The following PARVA variants were observed in gnomAD, a reference collection of about 807,000 sequenced individuals.
PARVA encodes parvin alpha.
Under a neutral mutation model 52.6 loss-of-function variants are expected in PARVA, and 25 were observed. The observed-to-expected ratio is 0.48, with a 90% CI of 0.35 to 0.66. The LOEUF (loss-of-function observed/expected upper bound fraction) is 0.66. PARVA is among the 30% of genes least tolerant of loss of function. The pLI is 0.01. For synonymous variants in PARVA, 185 were observed against 179.1 expected, an observed-to-expected ratio of 1.03 and a Z score of -0.26; for missense variants, 373 against 450.9, an observed-to-expected ratio of 0.83 and a Z score of 1.56.
Position 12,473,926 on chromosome 11 carries a change from G to A in PARVA, c.240G>A (p.Val80=). ...PEDTMLEENE[V]RTMVDPNSRS... Reference sequence around the variant, plus strand: ...TTCTTTTTAAAGAGGAGAATGAGGTGCGAACAATGGTGGATCCAAACTCAC... The same window carrying A: ...TTCTTTTTAAAGAGGAGAATGAGGTACGAACAATGGTGGATCCAAACTCAC... The change falls in exon 3 of 13, where the codon GTG becomes GTA. Residue 80 remains valine (V), a synonymous_variant. Transcript: ENST00000334956. The A allele has an allele frequency of 6.3e-7, 1 of 1,580,050 alleles. No homozygotes were observed. The highest frequency in any genetic ancestry group is 1.2e-5 in the South Asian group (1 of 85,824).
intron 4 of PARVA, among the ~76,000 whole-genome samples, chr11:12,484,504 GGTGTGTGTGTGTGTGTGT>G (rs35501237): frequency 3.4e-4 from 49 of 144,700 alleles, no homozygotes; most frequent in Admixed American, 7.5e-4. Context: ...GTTTTGTTTT[GGTGTGTGTGTGTGTGTGT>G]GTGTGTGTGT....
Position 12,511,543 on chromosome 11 carries a change from A to G in PARVA, c.736+10A>G, listed in dbSNP as rs1364175904. 2.3e-5 allele frequency: 37 copies of G among 1,613,118 alleles called. No individual in the cohort carries two copies. Among genetic ancestry groups the G allele is most frequent in the African/African-American group, 4.0e-5 (3 of 74,884 alleles). On this transcript the variant is annotated intron_variant, in intron 8 of 12. Transcript: ENST00000334956. The stretch of plus-strand genomic sequence containing the variant: ...CTTTCCGGGAGGCATGGTAAGTCAC[A>G]TAAGATTGTCCTCTGGCACTGGTGG...
chr11:12,477,843 G>C lies in PARVA; in HGVS notation c.298-4G>C, dbSNP rs1349721841. On this transcript the variant is annotated splice_polypyrimidine_tract_variant and splice_region_variant and intron_variant, in intron 3 of 12. Coordinates refer to ENST00000334956, the MANE Select transcript of PARVA (RefSeq NM_018222.5). Reference sequence around the variant, plus strand: ...TTGCACATTCCCTTTCTCTCTCTCTGTAGGTATTAATTGACTGGATTAATG... The same window carrying C: ...TTGCACATTCCCTTTCTCTCTCTCTCTAGGTATTAATTGACTGGATTAATG... 13 of 1,469,750 alleles carry C rather than the reference G, an allele frequency of 8.8e-6. No individual in the cohort carries two copies. The highest frequency in any genetic ancestry group is 4.5e-5 in the South Asian group (4 of 88,122). The allele number at this position is 1,469,750 out of a possible 1,614,324, so 91.0% of individuals were successfully genotyped here.
chr11:12,405,981 A>G (rs952041545), intron 1 of PARVA, among the ~76,000 whole-genome samples: 2 of 152,206 alleles, frequency 1.3e-5, no homozygotes, highest in Admixed American at 6.5e-5. Flanking sequence ...GAATCATACT[A>G]TATGTTCAAT....
intron 1 of PARVA, among the ~76,000 whole-genome samples, chr11:12,396,365 A>G (rs1281046684): frequency 6.6e-6 from 1 of 152,050 alleles, no homozygotes. Flanking sequence ...GGTGCTGGCA[A>G]TTTGTCTAGT....
chr11:12,487,861 C>T (rs1267918798), intron 4 of PARVA, among the ~76,000 whole-genome samples: 6 of 152,098 alleles, frequency 3.9e-5, no homozygotes, highest in African/African-American at 1.4e-4. Flanking sequence ...TAGAATATTT[C>T]TCGTAATAGT....
At chr11:12,494,662 A>C (rs891962101) in intron 4 of PARVA, among the ~76,000 whole-genome samples, 2 of 152,148 alleles carry the variant, frequency 1.3e-5, no homozygotes, top group African/African-American at 2.4e-5. Context: ...ATTTAAAAAA[A>C]AAAAGAATGA....
intron 12 of PARVA, among the ~76,000 whole-genome samples, chr11:12,521,126 C>G (rs997333134): frequency 6.6e-6 from 1 of 152,088 alleles, no homozygotes; most frequent in South Asian, 2.1e-4. Context: ...CATCTAGTAC[C>G]AGGCAGGATT....
chr11:12,433,993 TAAA>T (rs1338365754), intron 1 of PARVA, among the ~76,000 whole-genome samples: 1 of 152,130 alleles, frequency 6.6e-6, no homozygotes, highest in African/African-American at 2.4e-5. Context: ...ATCCCACAGA[TAAA>T]AATAAGGAGA....
chr11:12,512,290 CTCTT>C (rs1941512389), intron 8 of PARVA, among the ~76,000 whole-genome samples: 1 of 152,226 alleles, frequency 6.6e-6, no homozygotes, highest in Non-Finnish European at 1.5e-5. Context: ...AGACTGTCTT[CTCTT>C]TCTTCCCTCA....
chr11:12,524,490 C>T (rs1941676555), intron 12 of PARVA, among the ~76,000 whole-genome samples: 1 of 152,234 alleles, frequency 6.6e-6, no homozygotes, highest in Admixed American at 6.5e-5. Context: ...ATCCCCCTGC[C>T]TCTATCAGTA....
At chr11:12,389,266 C>T (rs530538952) in intron 1 of PARVA, among the ~76,000 whole-genome samples, 1 of 152,066 alleles carries the variant, frequency 6.6e-6, no homozygotes, top group East Asian at 1.9e-4. Flanking sequence ...CATAGATGGC[C>T]CTGTATATCA....
chr11:12,396,131 C>T (rs1939741205), intron 1 of PARVA, among the ~76,000 whole-genome samples: 1 of 152,126 alleles, frequency 6.6e-6, no homozygotes, highest in Admixed American at 6.6e-5. Context: ...GAAACTGAGG[C>T]CCAGAGAAGT....
intron 10 of PARVA, among the ~76,000 whole-genome samples, chr11:12,516,585 A>G (rs1458292819): frequency 6.6e-6 from 1 of 152,204 alleles, no homozygotes; most frequent in Non-Finnish European, 1.5e-5. Context: ...CTGCCTAGGA[A>G]GGGACCGGGC....
chr11:12,406,381 C>G (rs11605697), intron 1 of PARVA, among the ~76,000 whole-genome samples: 4 of 152,210 alleles, frequency 2.6e-5, no homozygotes, highest in African/African-American at 9.7e-5. Flanking sequence ...TTACCCACAT[C>G]TGCAAAATAC....
chr11:12,507,854 C>A (rs1392067708), intron 6 of PARVA, among the ~76,000 whole-genome samples: 1 of 152,100 alleles, frequency 6.6e-6, no homozygotes, highest in Non-Finnish European at 1.5e-5. Context: ...AGGGCAGAAA[C>A]TATATCATAT....
intron 1 of PARVA, among the ~76,000 whole-genome samples, chr11:12,455,591 CT>C (rs1431007712): frequency 6.6e-6 from 1 of 152,122 alleles, no homozygotes; most frequent in East Asian, 1.9e-4. Flanking sequence ...CTATTGCTTA[CT>C]GGTTTCTAGT....
intron 1 of PARVA, among the ~76,000 whole-genome samples, chr11:12,442,391 G>A (rs1350635691): frequency 6.6e-6 from 1 of 152,214 alleles, no homozygotes; most frequent in African/African-American, 2.4e-5. Context: ...ACTATTAACA[G>A]GAAGAAAGTG....
intron 6 of PARVA, 71 bp from the exon 7 acceptor site, chr11:12,508,513 A>G: frequency 9.9e-7 from 1 of 1,012,474 alleles, no homozygotes; most frequent in East Asian, 2.4e-5. Flanking sequence ...AATGCTCATC[A>G]GTGTTTCTGT....
Sources: gnomAD v4.1 joint callset for allele counts (sites outside exome capture counted in the v4.1 genomes callset) on GRCh38, gnomAD v4.1.1 for gene constraint, MANE v1.5 for transcripts, NCBI Gene and HGNC (gene_info 2026-07-23, HGNC 2026-07-21) for gene names.